The following NID2 variants were observed in gnomAD, a reference collection of about 807,000 sequenced individuals.
NID2 encodes nidogen-2.
Under a neutral mutation model 145.4 loss-of-function variants are expected in NID2, and 83 were observed. That is an observed-to-expected ratio of 0.57 (90% confidence interval 0.48 to 0.69). NID2 has a LOEUF of 0.69. Among genes scored for constraint, NID2 ranks in the 30% least tolerant of loss-of-function variants. The pLI is 0.00. For missense variants in NID2, 1,807 were observed against 1,765.7 expected, an observed-to-expected ratio of 1.02 and a Z score of -0.42; for synonymous variants, 739 against 701.3, an observed-to-expected ratio of 1.05 and a Z score of -0.85.
intron 12 of NID2, 24 bp downstream of exon 12, chr14:52,027,177 T>G (rs1438966998): frequency 6.9e-7 from 1 of 1,453,664 alleles, no homozygotes; most frequent in African/African-American, 1.5e-5. Context: ...TTCCAGTCAT[T>G]GAGGCTGACC....
chr14:52,006,288 C>A, intron 20 of NID2: 1 of 450,590 alleles, frequency 2.2e-6, no homozygotes, highest in Non-Finnish European at 4.0e-6. Flanking sequence ...TATCCAATAG[C>A]TTTGCTACTT....
At chr14:52,022,929 A>C (rs951999538) in intron 12 of NID2, among the ~76,000 whole-genome samples, 1 of 152,150 alleles carries the variant, frequency 6.6e-6, no homozygotes, top group Non-Finnish European at 1.5e-5. Context: ...TAAAGGATTC[A>C]ACCCACAGGT....
chr14:52,040,273 C>T (rs754202831), intron 8 of NID2, among the ~76,000 whole-genome samples: 24 of 150,924 alleles, frequency 1.6e-4, no homozygotes, highest in Admixed American at 4.6e-4. Flanking sequence ...TTTAAAGCAG[C>T]CTGAACTCAT....
chr14:52,009,772 G>A (rs1594998102), intron 18 of NID2: 2 of 152,306 alleles, frequency 1.3e-5, no homozygotes, highest in South Asian at 2.1e-4. Flanking sequence ...AAGGCAGGTG[G>A]ATCACCCAGG....
intron 3 of NID2, 118 bp from the exon 4 acceptor site, chr14:52,054,439 C>A: frequency 9.7e-7 from 1 of 1,029,900 alleles, no homozygotes. Flanking sequence ...TGGTGGCTCA[C>A]ACTTATAATC....
intron 20 of NID2, 108 bp downstream of exon 20, chr14:52,006,429 T>C (rs1890784974): frequency 7.8e-7 from 1 of 1,280,148 alleles, no homozygotes; most frequent in Non-Finnish European, 1.1e-6. Flanking sequence ...AACAAAAGCC[T>C]CAGAGGGCTT....
intron 17 of NID2, 91 bp downstream of exon 17, chr14:52,011,450 AACCTCCCCTAATG>A: frequency 6.9e-7 from 1 of 1,442,546 alleles, no homozygotes; most frequent in Non-Finnish European, 9.6e-7. Context: ...CCTAGAACTT[AACCTCCCCTAATG>A]GAGAAAAATC....
At chr14:52,041,993 A>T in intron 7 of NID2, 112 bp downstream of exon 7, 1 of 1,330,486 alleles carries the variant, frequency 7.5e-7, no homozygotes, top group Non-Finnish European at 1.0e-6. Flanking sequence ...TGGCTCTAGT[A>T]CATTAAACAA....
intron 5 of NID2, among the ~76,000 whole-genome samples, chr14:52,043,794 G>A (rs8012681): frequency 0.19 from 28,839 of 152,076 alleles, 3,537 homozygotes; most frequent in East Asian, 0.53. Flanking sequence ...AGGGTGTGGC[G>A]GGGGTTGTGG....
In NID2 at chr14:52,037,213, C is replaced by G. The variant is rs185967144; in HGVS notation, c.2257+1534G>C. Among the ~76,000 whole-genome samples, 38 of 152,308 alleles carry G rather than the reference C, an allele frequency of 2.5e-4. No individual in the cohort carries two copies. The East Asian group carries it at 7.3e-3, about 29-fold the overall frequency. The stretch of plus-strand genomic sequence containing the variant: ...TCAGTGGTCCCAGCACCATAGTTAA[C>G]AATAGTTTAAAAGACTATTCTTTCT... On this transcript the variant is annotated intron_variant, in intron 9 of 21. Transcript: ENST00000216286.
At chr14:52,011,435 A>G in intron 17 of NID2, 119 bp downstream of exon 17, 4 of 1,252,678 alleles carry the variant, frequency 3.2e-6, no homozygotes, top group Non-Finnish European at 4.5e-6. Flanking sequence ...CAATAAAATG[A>G]CTTGCCTAGA....
chr14:52,006,571 A>G lies in NID2; in HGVS notation c.3970T>C (p.Tyr1324His). Residue 1324 changes from tyrosine to histidine, a missense_variant, in exon 20 of 22, where the codon TAT becomes CAT. Transcript: ENST00000216286. The part of the protein sequence containing the change: ...NLKYPFSIVS[Y>H]ADHFYHTDWR... ...TCTGTGTGGTAGAAGTGATCTGCATAGCTTACGATGCTGAAGGGGTACTTG... is the reference window on the plus strand; with the variant it reads ...TCTGTGTGGTAGAAGTGATCTGCATGGCTTACGATGCTGAAGGGGTACTTG... The G allele has an allele frequency of 6.2e-7, 1 of 1,613,856 alleles. No homozygotes were observed. The highest frequency in any genetic ancestry group is 1.3e-5 in the African/African-American group (1 of 75,034).
chr14:52,020,053 A>G lies in NID2; in HGVS notation c.2794+6T>C. ...CATGTGCCTAATCTGGCCCTCTGAA[A>G]CTTACCAGGTATGCACTGAAATCCA... is the stretch of plus-strand genomic sequence containing the variant. On this transcript the variant is annotated splice_donor_region_variant and intron_variant, in intron 13 of 21. Transcript: ENST00000216286. The G allele has an allele frequency of 6.2e-7, 1 of 1,613,724 alleles. No homozygotes were observed. Among genetic ancestry groups the G allele is most frequent in the Non-Finnish European group, 8.5e-7 (1 of 1,179,718 alleles).
At position 52,028,708 on chromosome 14, in the gene NID2, AT is replaced by A; in HGVS notation, c.2530+13del. ...ACCATTTTGGCCACACAGGAAAATG[AT>A]TTTGGAACTCACAGATGCAAGTATG... On this transcript the variant is annotated intron_variant, in intron 11 of 21. Coordinates refer to ENST00000216286, the MANE Select transcript of NID2 (RefSeq NM_007361.4). The A allele has an allele frequency of 6.2e-7, 1 of 1,609,276 alleles. No homozygotes were observed. Among genetic ancestry groups the A allele is most frequent in the Non-Finnish European group, 8.5e-7 (1 of 1,178,558 alleles).
In NID2 at chr14:52,038,916, C is replaced by T. The variant is rs775766822; in HGVS notation, c.2088G>A (p.Trp696Ter). The T allele has an allele frequency of 1.9e-6, 3 of 1,614,092 alleles. No homozygotes were observed. The highest frequency in any genetic ancestry group is 3.3e-5 in the Admixed American group (2 of 60,010). The change falls in exon 9 of 22, where the codon TGG (tryptophan) becomes TGA (stop). Residue 696 changes from tryptophan to a stop codon, truncating the protein, a stop_gained. Transcript: ENST00000216286. LOFTEE classifies it high-confidence loss of function. ...TGATGTTCTGGTGGATGCGGTAGGA[C>T]CATGTTTGGTTGATTGCACCAAAAG... Reference protein sequence around the residue: ...SLTFGAINQTWSYRIHQNITY... With the variant: ...SLTFGAINQT
At chr14:52,058,841 T>C (rs1892936318) in intron 3 of NID2, among the ~76,000 whole-genome samples, 1 of 151,874 alleles carries the variant, frequency 6.6e-6, no homozygotes, top group Non-Finnish European at 1.5e-5. Flanking sequence ...AATAAATCTA[T>C]GGAATAATAA....
intron 3 of NID2, among the ~76,000 whole-genome samples, chr14:52,059,918 C>T (rs1595055387): frequency 6.6e-6 from 1 of 152,232 alleles, no homozygotes; most frequent in East Asian, 1.9e-4. Context: ...TATCTATACC[C>T]AATAGAGCAG....
At chr14:52,021,096 G>A (rs1405733122) in intron 12 of NID2, among the ~76,000 whole-genome samples, 5 of 152,026 alleles carry the variant, frequency 3.3e-5, no homozygotes, top group Non-Finnish European at 7.4e-5. Context: ...TTAAGAGACA[G>A]GAAGTCTTTC....
intron 14 of NID2, among the ~76,000 whole-genome samples, chr14:52,017,463 G>C (rs1426198181): frequency 6.6e-6 from 1 of 152,090 alleles, no homozygotes; most frequent in South Asian, 2.1e-4. Flanking sequence ...GCAGGAAAAA[G>C]TCCGCACAAG....
Sources: allele counts gnomAD v4.1 joint callset (sites outside exome capture counted in the v4.1 genomes callset), GRCh38; gene constraint gnomAD v4.1.1; transcripts MANE v1.5; gene names NCBI Gene and HGNC (gene_info 2026-07-23, HGNC 2026-07-21).